The following WDR7 variants were observed in gnomAD, a reference collection of about 807,000 sequenced individuals.
WDR7 encodes WD repeat domain 7.
WDR7 carries 46 observed loss-of-function variants against 169.4 expected under a neutral mutation model. The observed-to-expected ratio is 0.27, with a 90% CI of 0.21 to 0.35. WDR7 has a LOEUF of 0.35. WDR7 is among the 10% of genes least tolerant of loss of function. The pLI, the probability that WDR7 is intolerant of heterozygous loss-of-function variation, is 1.00. For missense variants in WDR7, 1,534 were observed against 1,859.3 expected (o/e 0.83, Z 3.22); for synonymous variants, 612 against 666.8 (o/e 0.92, Z 1.27).
Position 56,685,985 on chromosome 18 carries a change from G to A in WDR7, c.550G>A (p.Gly184Ser). 1 of 1,601,214 alleles carries A rather than the reference G, an allele frequency of 6.2e-7. No individual in the cohort carries two copies. The highest frequency in any genetic ancestry group is 8.5e-7 in the Non-Finnish European group (1 of 1,175,802). ...CACAGTGGTAGCACTCTCGGTGACT[G>A]GCATCCTGAAGGTCTGGATTGTTAC... Reference protein sequence around the residue: ...EDTVVALSVTGILKVWIVTSE... With the variant: ...EDTVVALSVTSILKVWIVTSE... Residue 184 changes from glycine (G) to serine (S), a missense_variant, in exon 6 of 28, where the codon GGC becomes AGC. Coordinates refer to ENST00000254442, the MANE Select transcript of WDR7 (RefSeq NM_015285.3).
rs140499724 is a variant in WDR7, at chr18:56,665,767, A to G, written c.-19-6730A>G. On this transcript the variant is annotated intron_variant, in intron 1 of 27. Coordinates refer to ENST00000254442, the MANE Select transcript of WDR7 (RefSeq NM_015285.3). ...CTTCGATACTTACTTTCACAGTTTG[A>G]GTTCCCTGGTGAGCGGACTCTGAGA... Among the ~76,000 whole-genome samples, 7 of 152,276 alleles carry G rather than the reference A, an allele frequency of 4.6e-5. No individual in the cohort carries two copies. In the East Asian group the frequency reaches 1.4e-3, roughly 29 times the overall value.
At chr18:56,779,243 A>C (rs529896777) in intron 17 of WDR7, among the ~76,000 whole-genome samples, 188 bp from the exon 18 acceptor site, 16 of 152,308 alleles carry the variant, frequency 1.1e-4, no homozygotes, top group African/African-American at 2.9e-4. Flanking sequence ...CACCAATTAC[A>C]TGATTTAGGG....
intron 20 of WDR7, among the ~76,000 whole-genome samples, chr18:56,870,099 A>C (rs1038256788): frequency 1.3e-5 from 2 of 152,126 alleles, no homozygotes; most frequent in Non-Finnish European, 2.9e-5. Context: ...GAAGTATTTG[A>C]CTTCAAAGAC....
chr18:56,816,422 G>A (rs1425951938), intron 20 of WDR7, among the ~76,000 whole-genome samples: 3 of 152,080 alleles, frequency 2.0e-5, no homozygotes, highest in Non-Finnish European at 2.9e-5. Flanking sequence ...CAGAATCTGC[G>A]ATCATTGCTA....
rs2048386848 is a variant in WDR7 at position 57,027,653 on chromosome 18, C to T, written c.*446C>T. 2 of 164,344 alleles carry T rather than the reference C, an allele frequency of 1.2e-5. No homozygotes were observed. The highest frequency in any genetic ancestry group is 4.8e-5 in the African/African-American group (2 of 41,790). The allele number at this position is 164,344 out of a possible 1,614,324, so 10.2% of individuals were successfully genotyped here. ...TGGGTGTTGAGGTCATGTGGCAGTC[C>T]TCACGATTGAAATTATTGCCCTTTG... On this transcript the variant is annotated 3_prime_UTR_variant, in exon 28 of 28. Transcript: ENST00000254442.
chr18:56,775,013 G>A (rs980983948), intron 16 of WDR7, among the ~76,000 whole-genome samples: 2 of 151,658 alleles, frequency 1.3e-5, no homozygotes, highest in Non-Finnish European at 2.9e-5. Flanking sequence ...TAAGACATAC[G>A]CCTATTCTAG....
chr18:56,898,920 G>A (rs1048408274), intron 21 of WDR7, among the ~76,000 whole-genome samples: 1 of 152,078 alleles, frequency 6.6e-6, no homozygotes, highest in Non-Finnish European at 1.5e-5. Flanking sequence ...GAAGAATTCT[G>A]TGAAATCTCT....
At chr18:56,846,368 G>C (rs905102430) in intron 20 of WDR7, among the ~76,000 whole-genome samples, 1 of 152,014 alleles carries the variant, frequency 6.6e-6, no homozygotes, top group Non-Finnish European at 1.5e-5. Flanking sequence ...AATTGGATCA[G>C]GGGTGCCAGT....
chr18:56,717,683 C>G (rs2026222863), intron 12 of WDR7, among the ~76,000 whole-genome samples: 1 of 152,162 alleles, frequency 6.6e-6, no homozygotes, highest in Non-Finnish European at 1.5e-5. Flanking sequence ...TCCAATATAG[C>G]AATCATTGTA....
chr18:56,766,711 T>C lies in WDR7; in HGVS notation c.2848+7758T>C, dbSNP rs140421488. Among the ~76,000 whole-genome samples, 6 of 152,274 alleles carry C rather than the reference T, an allele frequency of 3.9e-5. No homozygotes were observed. The East Asian group carries it at 1.2e-3, about 29-fold the overall frequency. On this transcript the variant is annotated intron_variant, in intron 16 of 27. Coordinates refer to ENST00000254442, the MANE Select transcript of WDR7 (RefSeq NM_015285.3). ...CAGCTGTCATCCAATTCACTTTTAA[T>C]CTCAGACATTGTTATATGTGTCCCC... is the stretch of plus-strand genomic sequence containing the variant.
intron 14 of WDR7, among the ~76,000 whole-genome samples, chr18:56,754,335 GTA>G (rs983282983): frequency 1.5e-5 from 2 of 136,978 alleles, no homozygotes; most frequent in East Asian, 2.0e-4. Flanking sequence ...GTATATATAC[GTA>G]TATATGTGTG....
At chr18:56,672,809 A>G in intron 2 of WDR7, 135 bp downstream of exon 2, 1 of 822,886 alleles carries the variant, frequency 1.2e-6, no homozygotes, top group Non-Finnish European at 1.7e-6. Flanking sequence ...AACTAGTAGT[A>G]TACAGATTCA....
At chr18:56,839,955 G>A (rs986243432) in intron 20 of WDR7, among the ~76,000 whole-genome samples, 2 of 152,096 alleles carry the variant, frequency 1.3e-5, no homozygotes, top group Non-Finnish European at 2.9e-5. Context: ...CCAGCTACTC[G>A]GGAGGCTGAG....
rs1276964698 is a variant in WDR7 at position 56,756,502 on chromosome 18, C to T, written c.1990-81C>T. On this transcript the variant is annotated intron_variant, in intron 14 of 27. Coordinates refer to ENST00000254442, the MANE Select transcript of WDR7 (RefSeq NM_015285.3). Reference sequence around the variant, plus strand: ...CAGCTTAATAAGCATGTTAATTCCTCTGATTATTTATTGTTTATTAATGAA... The same window carrying T: ...CAGCTTAATAAGCATGTTAATTCCTTTGATTATTTATTGTTTATTAATGAA... 2.2e-5 allele frequency: 27 copies of T among 1,213,428 alleles called. No homozygotes were observed. In the Admixed American group the frequency reaches 7.3e-4, roughly 33 times the overall value. The allele number at this position is 1,213,428 out of a possible 1,614,324, so 75.2% of individuals were successfully genotyped here.
In WDR7 at chr18:56,856,566, A is replaced by C. The variant is rs1398836516; in HGVS notation, c.3305-23378A>C. Among the ~76,000 whole-genome samples the C allele has an allele frequency of 1.4e-4, 21 of 151,880 alleles. 1 individual carries two copies. In the East Asian group the frequency reaches 4.1e-3, roughly 29 times the overall value. ...ATAAATAAATAAATAAAAATAGAAA[A>C]CTATAATTTTTAAAATCTTTTTTAA... On this transcript the variant is annotated intron_variant, in intron 20 of 27. Transcript: ENST00000254442.
chr18:56,938,449 T>TTAGAAAGTAAAAAATA, intron 23 of WDR7, 84 bp from the exon 24 acceptor site: 1 of 1,524,320 alleles, frequency 6.6e-7, no homozygotes, highest in South Asian at 1.3e-5. Flanking sequence ...TTCTATAGTA[T>TTAGAAAGTAAAAAATA]TAGAAAGTAA....
intron 19 of WDR7, among the ~76,000 whole-genome samples, chr18:56,805,068 G>A (rs1320878234): frequency 1.3e-4 from 20 of 152,066 alleles, no homozygotes; most frequent in Admixed American, 1.2e-3. Context: ...AGTCCACTCA[G>A]ACTCTCACAT....
intron 12 of WDR7, among the ~76,000 whole-genome samples, chr18:56,708,049 T>C (rs1055292384): frequency 1.6e-4 from 24 of 149,066 alleles, no homozygotes; most frequent in African/African-American, 2.8e-4. Context: ...TTTTTTTTTT[T>C]CTGAGACAGA....
chr18:56,904,284 G>C (rs2046446730), intron 21 of WDR7, among the ~76,000 whole-genome samples: 1 of 151,982 alleles, frequency 6.6e-6, no homozygotes, highest in Admixed American at 6.6e-5. Flanking sequence ...TAGCCAGGCT[G>C]GTCTCTAACT....
Sources: gnomAD v4.1 joint callset for allele counts (sites outside exome capture counted in the v4.1 genomes callset) on GRCh38, gnomAD v4.1.1 for gene constraint, MANE v1.5 for transcripts, NCBI Gene and HGNC (gene_info 2026-07-23, HGNC 2026-07-21) for gene names.